Variants in LPCAT2 observed in about 807,000 individuals in gnomAD.
The protein encoded by LPCAT2 is lysophosphatidylcholine acyltransferase 2.
A neutral mutation model predicts 64.7 loss-of-function variants in LPCAT2; 58 were observed. The ratio of observed to expected loss-of-function variants is 0.90; its 90% CI spans 0.73 to 1.12. LPCAT2 has a LOEUF of 1.12. LPCAT2 is among the 50% of genes most tolerant of loss of function. The probability of loss-of-function intolerance (pLI) is 0.00; values close to 1 mark genes in which losing one functional copy is unlikely to be tolerated. For synonymous variants in LPCAT2, 252 were observed against 245.3 expected (o/e 1.03, Z -0.26); for missense variants, 579 against 669.8 (o/e 0.86, Z 1.50).
intron 5 of LPCAT2, chr16:55,532,369 T>C (rs1963265921): frequency 6.0e-6 from 1 of 165,774 alleles, no homozygotes; most frequent in African/African-American, 2.4e-5. Context: ...TAATTTTTAA[T>C]ACTTTAAAAT....
chr16:55,563,996 A>T (rs1203435617), intron 11 of LPCAT2, among the ~76,000 whole-genome samples: 1 of 151,920 alleles, frequency 6.6e-6, no homozygotes, highest in Non-Finnish European at 1.5e-5. Flanking sequence ...TAATTAAGGG[A>T]CTTAGCAATG....
At chr16:55,535,416 A>G (rs1315994507) in intron 7 of LPCAT2, among the ~76,000 whole-genome samples, 1 of 152,232 alleles carries the variant, frequency 6.6e-6, no homozygotes, top group Non-Finnish European at 1.5e-5. Context: ...AAATCAGAAT[A>G]GGTAACTGAT....
At chr16:55,550,140 A>G (rs1963499473) in intron 10 of LPCAT2, among the ~76,000 whole-genome samples, 1 of 152,208 alleles carries the variant, frequency 6.6e-6, no homozygotes, top group Non-Finnish European at 1.5e-5. Flanking sequence ...ATTGTAAGAT[A>G]ATAAAAATGT....
At chr16:55,510,108 T>C (rs769906097) in intron 1 of LPCAT2, among the ~76,000 whole-genome samples, 6 of 149,830 alleles carry the variant, frequency 4.0e-5, no homozygotes, top group Non-Finnish European at 5.9e-5. Flanking sequence ...GCTGGAAAGA[T>C]TTAGCTGAGC....
intron 1 of LPCAT2, among the ~76,000 whole-genome samples, chr16:55,509,989 G>GTGTTTTTTTTTTTTTT (rs1196878080): frequency 1.5e-5 from 1 of 65,206 alleles, no homozygotes; most frequent in Non-Finnish European, 4.0e-5. Context: ...ATTTGAAGAA[G>GTGTTTTTTTTTTTTTT]TCTTTTTTTT....
chr16:55,579,397 A>G (rs1963865473), intron 13 of LPCAT2, among the ~76,000 whole-genome samples, 153 bp downstream of exon 13: 1 of 152,210 alleles, frequency 6.6e-6, no homozygotes, highest in South Asian at 2.1e-4. Context: ...TAGTAATGGC[A>G]TAATAGTCAT....
At chr16:55,544,528 A>G (rs1963432101) in intron 8 of LPCAT2, among the ~76,000 whole-genome samples, 1 of 152,230 alleles carries the variant, frequency 6.6e-6, no homozygotes, top group Non-Finnish European at 1.5e-5. Flanking sequence ...GGGAAAAATT[A>G]ATGAAATAAA....
intron 1 of LPCAT2, among the ~76,000 whole-genome samples, chr16:55,518,628 C>T (rs1184273488): frequency 2.6e-5 from 4 of 152,180 alleles, no homozygotes; most frequent in South Asian, 2.1e-4. Flanking sequence ...TAAATTCATA[C>T]GTCTGTGGCC....
At chr16:55,564,770 A>G (rs56100900) in intron 11 of LPCAT2, among the ~76,000 whole-genome samples, 5,675 of 152,130 alleles carry the variant, frequency 0.037, 156 homozygotes, top group Non-Finnish European at 0.059. Context: ...AAGCTTCATG[A>G]CACTGGATTT....
In LPCAT2 at chr16:55,525,599, C is replaced by T. The variant is rs575536950; in HGVS notation, c.263C>T (p.Thr88Ile). 1 of 1,612,416 alleles carries T rather than the reference C, an allele frequency of 6.2e-7. No homozygotes were observed. Among genetic ancestry groups the T allele is most frequent in the East Asian group, 2.2e-5 (1 of 44,786 alleles). ...GCATGGCCATTTGCTGCAATTTCAA[C>T]AGTATGCTGTCCTGAAAAGCTGACC... ...LLAWPFAAIS[T>I]VCCPEKLTHP... Residue 88 changes from threonine (T) to isoleucine (I), a missense_variant, in exon 2 of 14, where the codon ACA becomes ATA. Transcript: ENST00000262134.
intron 12 of LPCAT2, among the ~76,000 whole-genome samples, chr16:55,576,010 A>T: frequency 6.6e-6 from 1 of 152,286 alleles, no homozygotes; most frequent in East Asian, 1.9e-4. Flanking sequence ...ACGTGTAATT[A>T]TCAGTTTAGT....
At chr16:55,562,495 C>T (rs1195622808) in intron 11 of LPCAT2, among the ~76,000 whole-genome samples, 3 of 151,820 alleles carry the variant, frequency 2.0e-5, no homozygotes, top group African/African-American at 7.2e-5. Context: ...ATCTAAAATA[C>T]ATTTGTATCT....
chr16:55,525,385 T>C (rs1388990139), intron 1 of LPCAT2, 123 bp from the exon 2 acceptor site: 23 of 718,094 alleles, frequency 3.2e-5, no homozygotes, highest in Non-Finnish European at 4.8e-5. Flanking sequence ...TACAGGCTAG[T>C]AGTCAATTCA....
chr16:55,569,014 C>G (rs1963739445), intron 11 of LPCAT2, among the ~76,000 whole-genome samples: 1 of 152,128 alleles, frequency 6.6e-6, no homozygotes, highest in Non-Finnish European at 1.5e-5. Context: ...AATGCATTGT[C>G]TCTATCCCAG....
At chr16:55,538,371 T>C (rs1963350308) in intron 8 of LPCAT2, 1 of 152,154 alleles carries the variant, frequency 6.6e-6, no homozygotes, top group African/African-American at 2.4e-5. Context: ...ATGGATTGTG[T>C]AACGAAAACC....
intron 11 of LPCAT2, among the ~76,000 whole-genome samples, chr16:55,556,420 G>A (rs776630560): frequency 5.3e-5 from 8 of 152,116 alleles, no homozygotes; most frequent in Non-Finnish European, 1.2e-4. Context: ...ATTAAAAATA[G>A]TATCTGTAGA....
chr16:55,532,681 G>T (rs1963269653), intron 5 of LPCAT2, 143 bp from the exon 6 acceptor site: 1 of 521,394 alleles, frequency 1.9e-6, no homozygotes, highest in Non-Finnish European at 3.4e-6. Flanking sequence ...TAAGCACTAG[G>T]GATTTACCAA....
Position 55,582,893 on chromosome 16 carries a change from T to A in LPCAT2, c.1451-21T>A, listed in dbSNP as rs193226537. 7,587 of 1,534,820 alleles carry A rather than the reference T, an allele frequency of 4.9e-3. 23 individuals carry two copies. Among genetic ancestry groups the A allele is most frequent in the Middle Eastern group, 6.0e-3 (35 of 5,824 alleles). On this transcript the variant is annotated intron_variant, in intron 13 of 13. Transcript: ENST00000262134. ...AGAAGATTCACCCCAACTTATTGGA[T>A]TTTTTTTCTTTCTCTTCTAGAGGAA...
At position 55,525,559 on chromosome 16, in the gene LPCAT2, T is replaced by A. The variant is rs776735687; in HGVS notation, c.223T>A (p.Leu75Ile). ...LLPIRVLLVALILLLAWPFAA... is the reference protein window; with the variant it reads ...LLPIRVLLVAIILLLAWPFAA... ...TCCAATTCGTGTCTTATTGGTTGCG[T>A]TAATTTTATTACTTGCATGGCCATT... Residue 75 changes from leucine (L) to isoleucine (I), a missense_variant, in exon 2 of 14, where the codon TTA (leucine) becomes ATA (isoleucine). Coordinates refer to ENST00000262134, the MANE Select transcript of LPCAT2 (RefSeq NM_017839.5). The A allele has an allele frequency of 1.2e-6, 2 of 1,612,280 alleles. No homozygotes were observed. The highest frequency in any genetic ancestry group is 4.5e-5 in the East Asian group (2 of 44,774).
Sources: gnomAD v4.1 joint callset for allele counts (sites outside exome capture counted in the v4.1 genomes callset) on GRCh38, gnomAD v4.1.1 for gene constraint, MANE v1.5 for transcripts, NCBI Gene and HGNC (gene_info 2026-07-23, HGNC 2026-07-21) for gene names.